The following SORCS3 variants were observed in gnomAD, a reference collection of about 807,000 sequenced individuals.
The protein encoded by SORCS3 is sortilin related VPS10 domain containing receptor 3.
SORCS3 carries 57 observed loss-of-function variants against 146.3 expected under a neutral mutation model. The ratio of observed to expected loss-of-function variants is 0.39; its 90% CI spans 0.31 to 0.49. SORCS3 has a LOEUF of 0.49. Among genes scored for constraint, SORCS3 ranks in the 20% least tolerant of loss-of-function variants. The pLI, the probability that SORCS3 is intolerant of heterozygous loss-of-function variation, is 0.92. For synonymous variants in SORCS3, 653 were observed against 618.5 expected, an observed-to-expected ratio of 1.06 and a Z score of -0.83; for missense variants, 1,341 against 1,575.5, an observed-to-expected ratio of 0.85 and a Z score of 2.52.
intron 1 of SORCS3, among the ~76,000 whole-genome samples, chr10:104,818,912 A>AT (rs2017840778): frequency 1.3e-5 from 2 of 152,104 alleles, no homozygotes; most frequent in South Asian, 2.1e-4. Flanking sequence ...TTTTTCTGCT[A>AT]TTTTTTTACA....
intron 2 of SORCS3, among the ~76,000 whole-genome samples, chr10:104,900,804 G>A (rs947018409): frequency 4.7e-5 from 7 of 148,270 alleles, no homozygotes. Context: ...TGAGGCAGGA[G>A]AATTGCTTAA....
At chr10:104,760,753 G>C (rs2017110881) in intron 1 of SORCS3, among the ~76,000 whole-genome samples, 2 of 152,148 alleles carry the variant, frequency 1.3e-5, no homozygotes, top group South Asian at 4.1e-4. Flanking sequence ...GAAGGAAACA[G>C]CTAGGACTTC....
rs568603168 is a variant in SORCS3, at chr10:104,662,634, G to T, written c.627+20680G>T. ...CCATGAGGGCTAAGATGGGTTTTCA[G>T]CTCCTGGGCCTTTTTGCAATTAGAC... On this transcript the variant is annotated intron_variant, in intron 1 of 26. Transcript: ENST00000369701. Among the ~76,000 whole-genome samples the T allele has an allele frequency of 4.6e-5, 7 of 152,362 alleles. No individual in the cohort carries two copies. In the South Asian group the frequency reaches 1.4e-3, roughly 32 times the overall value.
At chr10:105,239,238 T>A (rs552407112) in intron 20 of SORCS3, among the ~76,000 whole-genome samples, 1 of 152,328 alleles carries the variant, frequency 6.6e-6, no homozygotes, top group African/African-American at 2.4e-5. Context: ...CCAGCCTTTG[T>A]ACCTCATATG....
chr10:104,782,906 T>A (rs1056404615), intron 1 of SORCS3, among the ~76,000 whole-genome samples: 1 of 152,216 alleles, frequency 6.6e-6, no homozygotes, highest in Non-Finnish European at 1.5e-5. Flanking sequence ...CCAACCATAC[T>A]GAATGAGAAT....
At chr10:104,914,905 T>C (rs1213117495) in intron 2 of SORCS3, among the ~76,000 whole-genome samples, 1 of 151,282 alleles carries the variant, frequency 6.6e-6, no homozygotes, top group Admixed American at 6.6e-5. Context: ...AAAGCTTGAG[T>C]TGGAGAAGTT....
In SORCS3 at chr10:105,256,888, T is replaced by G. The variant is rs2056934770; in HGVS notation, c.3407T>G (p.Val1136Gly). ...AMLMLLSVVFVGLAVFLIYKF... is the reference protein window; with the variant it reads ...AMLMLLSVVFGGLAVFLIYKF... ...CTTATGCTATTATCAGTGGTATTTG[T>G]TGGCCTGGCTGTGTTTTTGATCTAC... The change falls in exon 25 of 27, where the codon GTT (valine) becomes GGT (glycine). Residue 1136 changes from valine to glycine, a missense_variant. Coordinates refer to ENST00000369701, the MANE Select transcript of SORCS3 (RefSeq NM_014978.3). 4 of 1,614,084 alleles carry G rather than the reference T, an allele frequency of 2.5e-6. No homozygotes were observed. Among genetic ancestry groups the G allele is most frequent in the Admixed American group, 1.7e-5 (1 of 60,006 alleles).
intron 2 of SORCS3, among the ~76,000 whole-genome samples, chr10:104,874,201 A>G (rs1459041935): frequency 6.8e-6 from 1 of 147,754 alleles, no homozygotes; most frequent in Non-Finnish European, 1.5e-5. Context: ...TCATGCTGAC[A>G]TATTTTGACA....
intron 2 of SORCS3, among the ~76,000 whole-genome samples, chr10:104,885,527 G>T (rs570466435): frequency 2.6e-5 from 4 of 152,236 alleles, no homozygotes; most frequent in South Asian, 4.1e-4. Context: ...GTTAGGACCG[G>T]AACAGTGTTA....
intron 5 of SORCS3, among the ~76,000 whole-genome samples, chr10:105,058,396 G>A (rs952582585): frequency 4.6e-5 from 7 of 152,168 alleles, no homozygotes; most frequent in Non-Finnish European, 4.4e-5. Context: ...TTCATTTAAC[G>A]AGTGTCATGG....
At chr10:104,696,712 TAATATATA>T (rs2016218332) in intron 1 of SORCS3, among the ~76,000 whole-genome samples, 1 of 81,792 alleles carries the variant, frequency 1.2e-5, no homozygotes, top group Non-Finnish European at 2.1e-5. Flanking sequence ...TACGTATATA[TAATATATA>T]ACATATATAA....
intron 2 of SORCS3, among the ~76,000 whole-genome samples, chr10:104,892,390 G>C (rs2018757567): frequency 6.6e-6 from 1 of 152,130 alleles, no homozygotes; most frequent in Non-Finnish European, 1.5e-5. Context: ...TATGTTACTT[G>C]TCTGTAAGCT....
At chr10:105,191,269 A>T (rs2056515482) in intron 14 of SORCS3, among the ~76,000 whole-genome samples, 1 of 152,224 alleles carries the variant, frequency 6.6e-6, no homozygotes, top group South Asian at 2.1e-4. Context: ...AATGCTAAGA[A>T]ATTCAGAGGA....
intron 1 of SORCS3, among the ~76,000 whole-genome samples, chr10:104,646,186 T>C (rs941110104): frequency 2.6e-5 from 4 of 152,240 alleles, no homozygotes; most frequent in African/African-American, 7.2e-5. Context: ...CAGTGATTTC[T>C]CTGATGGCTG....
chr10:105,093,032 C>T (rs972647963), intron 6 of SORCS3, among the ~76,000 whole-genome samples: 1 of 152,092 alleles, frequency 6.6e-6, no homozygotes, highest in Admixed American at 6.5e-5. Flanking sequence ...GAAAATAAAA[C>T]TTGTTATTCT....
At chr10:104,696,493 T>G (rs186889519) in intron 1 of SORCS3, among the ~76,000 whole-genome samples, 2,236 of 55,592 alleles carry the variant, frequency 0.04, 470 homozygotes, top group African/African-American at 0.061. Context: ...ATATAATATA[T>G]AATATATATA....
chr10:104,866,922 T>G (rs924351665), intron 2 of SORCS3, among the ~76,000 whole-genome samples: 1 of 152,198 alleles, frequency 6.6e-6, no homozygotes, highest in Non-Finnish European at 1.5e-5. Flanking sequence ...TTTTCTTGGG[T>G]TGTCTAGAGT....
intron 2 of SORCS3, among the ~76,000 whole-genome samples, chr10:104,913,501 A>G (rs1367263193): frequency 6.6e-6 from 1 of 152,198 alleles, no homozygotes; most frequent in Non-Finnish European, 1.5e-5. Flanking sequence ...AAGTTAGCAT[A>G]ACTCATGACC....
intron 13 of SORCS3, among the ~76,000 whole-genome samples, chr10:105,172,340 G>A (rs1254810236): frequency 6.6e-6 from 1 of 152,110 alleles, no homozygotes; most frequent in African/African-American, 2.4e-5. Context: ...TTAGAATAGG[G>A]GTTGGGATAC....
Sources: allele counts gnomAD v4.1 joint callset (sites outside exome capture counted in the v4.1 genomes callset), GRCh38; gene constraint gnomAD v4.1.1; transcripts MANE v1.5; gene names NCBI Gene and HGNC (gene_info 2026-07-23, HGNC 2026-07-21).